Variants in ANKRD28 observed in about 807,000 individuals in gnomAD.
ANKRD28 encodes the protein ankyrin repeat domain 28.
In ANKRD28, 44 loss-of-function variants were observed where a neutral mutation model predicts 126.5. That is an observed-to-expected ratio of 0.35 (90% CI 0.27 to 0.45). The LOEUF (loss-of-function observed/expected upper bound fraction) is 0.45. ANKRD28 is among the 20% of genes least tolerant of loss of function. ANKRD28 has a pLI of 1.00. For missense variants in ANKRD28, 1,110 were observed against 1,316.6 expected, an observed-to-expected ratio of 0.84 and a Z score of 2.43; for synonymous variants, 442 against 468.5, an observed-to-expected ratio of 0.94 and a Z score of 0.73.
chr3:15,858,634 A>G (rs1230619630), intron 1 of ANKRD28, among the ~76,000 whole-genome samples: 2 of 152,252 alleles, frequency 1.3e-5, no homozygotes, highest in African/African-American at 4.8e-5. Context: ...AATGTCACAC[A>G]TTAATTTTCC....
At position 15,796,500 on chromosome 3, in the gene ANKRD28, C is replaced by A. The variant is rs1444891692; in HGVS notation, c.22G>T (p.Val8Phe). The change falls in exon 1 of 28, where the codon GTT (valine) becomes TTT (phenylalanine). Residue 8 changes from valine to phenylalanine, a missense_variant. Transcript: ENST00000683139. ...GATTCATCTTCTACCTCCTCCAAAA[C>A]AACAATACACACTCGACTCATTCGA... MSRVCIV[V>F]LEEVEDESPA... 1 of 1,288,264 alleles carries A rather than the reference C, an allele frequency of 7.8e-7. No individual in the cohort carries two copies. Among genetic ancestry groups the A allele is most frequent in the Admixed American group, 2.3e-5 (1 of 43,332 alleles). The allele number at this position is 1,288,264 out of a possible 1,614,324, so 79.8% of individuals were successfully genotyped here.
chr3:15,676,728 A>G (rs976531641), intron 26 of ANKRD28: 7 of 334,542 alleles, frequency 2.1e-5, no homozygotes, highest in Admixed American at 1.8e-4. Context: ...AAAATTAGGT[A>G]GGTGGATTAA....
At chr3:15,840,372 C>G (rs1198996086) in intron 1 of ANKRD28, among the ~76,000 whole-genome samples, 1 of 151,838 alleles carries the variant, frequency 6.6e-6, no homozygotes, top group African/African-American at 2.4e-5. Flanking sequence ...AACACTGATG[C>G]AAAAAAATTG....
At chr3:15,802,486 A>T (rs115310642), upstream of ANKRD28, among the ~76,000 whole-genome samples, 941 of 152,310 alleles carry the variant, frequency 6.2e-3, 14 homozygotes, top group African/African-American at 0.021. Flanking sequence ...TCTTCCTTTA[A>T]TTATCTATGA....
At position 15,730,181 on chromosome 3, in the gene ANKRD28, C is replaced by T. The variant is rs531034347; in HGVS notation, c.640+5229G>A. On this transcript the variant is annotated intron_variant, in intron 6 of 27. Coordinates refer to ENST00000683139, the MANE Select transcript of ANKRD28 (RefSeq NM_001349278.2). ...CATGGTAAAAAATATTTATTCAGTACCTTCTGTGTCAAAGTCATCACAATA... is the reference window on the plus strand; with the variant it reads ...CATGGTAAAAAATATTTATTCAGTATCTTCTGTGTCAAAGTCATCACAATA... Among the ~76,000 whole-genome samples the T allele has an allele frequency of 2.8e-4, 42 of 152,204 alleles. No individual in the cohort carries two copies. The South Asian group carries it at 8.1e-3, about 29-fold the overall frequency.
intron 12 of ANKRD28, among the ~76,000 whole-genome samples, 156 bp downstream of exon 12, chr3:15,711,055 A>G (rs1333838423): frequency 1.3e-5 from 2 of 152,152 alleles, no homozygotes; most frequent in East Asian, 3.8e-4. Flanking sequence ...GATGAAAAAA[A>G]GTATTCTGCC....
chr3:15,832,091 TAA>T (rs2061214562), intron 1 of ANKRD28, among the ~76,000 whole-genome samples: 2 of 152,224 alleles, frequency 1.3e-5, no homozygotes, highest in Non-Finnish European at 2.9e-5. Flanking sequence ...CAGCAGTAAA[TAA>T]AAGACATCGT....
intron 21 of ANKRD28, among the ~76,000 whole-genome samples, chr3:15,683,193 A>AT (rs1265397470): frequency 1.3e-5 from 2 of 152,082 alleles, no homozygotes; most frequent in African/African-American, 4.8e-5. Flanking sequence ...TCAGGGATAT[A>AT]TTTTTTTAAA....
intron 2 of ANKRD28, among the ~76,000 whole-genome samples, chr3:15,776,146 A>G (rs887430337): frequency 6.6e-6 from 1 of 152,256 alleles, no homozygotes; most frequent in South Asian, 2.1e-4. Context: ...ATCGTACACT[A>G]CATACTTCAA....
Position 15,850,198 on chromosome 3 carries a change from A to ATATATATATAT in ANKRD28, c.27+9178_27+9179insATATATATATA, listed in dbSNP as rs1553649981. Reference sequence around the variant, plus strand: ...TGGGTATCTACATGCAATAAAAAAAAAAAAAAATATATATATATATATATA... The same window carrying ATATATATATAT: ...TGGGTATCTACATGCAATAAAAAAAATATATATATATAAAAAAATATATATATATATATATA... On this transcript the variant is annotated intron_variant, in intron 1 of 27. Coordinates refer to the ANKRD28 transcript ENST00000399451. Among the ~76,000 whole-genome samples the ATATATATATAT allele has an allele frequency of 1.2e-4, 5 of 42,130 alleles. No individual in the cohort carries two copies. In the East Asian group the frequency reaches 7.9e-3, roughly 67 times the overall value. 27.6% of individuals were successfully genotyped at this position (42,130 alleles called of 152,430 possible).
chr3:15,715,432 CTCA>C (rs751316284), intron 8 of ANKRD28, among the ~76,000 whole-genome samples: 5 of 152,130 alleles, frequency 3.3e-5, no homozygotes, highest in Admixed American at 1.3e-4. Context: ...TTTAAAAATC[CTCA>C]TGTCTTTATA....
chr3:15,692,051 T>C (rs1368355253), intron 17 of ANKRD28, among the ~76,000 whole-genome samples: 2 of 150,014 alleles, frequency 1.3e-5, no homozygotes, highest in Non-Finnish European at 3.0e-5. Flanking sequence ...GAGGCGGAAG[T>C]ATCACTTGAG....
chr3:15,730,502 C>G (rs2074502627), intron 6 of ANKRD28, among the ~76,000 whole-genome samples: 1 of 152,214 alleles, frequency 6.6e-6, no homozygotes, highest in African/African-American at 2.4e-5. Flanking sequence ...CAAGACTACA[C>G]ATAATCCCCA....
At chr3:15,787,603 G>A (rs2059837306) in intron 2 of ANKRD28, among the ~76,000 whole-genome samples, 1 of 152,144 alleles carries the variant, frequency 6.6e-6, no homozygotes, top group African/African-American at 2.4e-5. Flanking sequence ...ATAGCTATAA[G>A]AAAAGACCAT....
intron 25 of ANKRD28, 78 bp from the exon 26 acceptor site, chr3:15,677,134 T>C: frequency 2.6e-6 from 3 of 1,141,618 alleles, no homozygotes. Flanking sequence ...TCTGCAATCC[T>C]AGTCCATATA....
At chr3:15,758,286 G>A (rs1035819674) in intron 3 of ANKRD28, among the ~76,000 whole-genome samples, 5 of 152,188 alleles carry the variant, frequency 3.3e-5, no homozygotes, top group African/African-American at 1.2e-4. Context: ...ACCTAACAGT[G>A]CAGTGGCAAA....
intron 14 of ANKRD28, among the ~76,000 whole-genome samples, chr3:15,701,605 T>C (rs995150229): frequency 6.6e-5 from 10 of 151,336 alleles, no homozygotes; most frequent in African/African-American, 1.2e-4. Flanking sequence ...GATTGCACCA[T>C]TGCACTCCAG....
intron 6 of ANKRD28, among the ~76,000 whole-genome samples, chr3:15,724,736 T>C (rs112449601): frequency 4.6e-5 from 7 of 152,230 alleles, no homozygotes; most frequent in African/African-American, 1.7e-4. Context: ...CTCAGCACTT[T>C]GGGAGGCTGA....
intron 4 of ANKRD28, among the ~76,000 whole-genome samples, chr3:15,745,177 T>G (rs1298865562): frequency 6.6e-6 from 1 of 152,252 alleles, no homozygotes; most frequent in African/African-American, 2.4e-5. Flanking sequence ...TCTCCTACTC[T>G]GTGAGTTGTT....
Sources: gnomAD v4.1 joint callset for allele counts (sites outside exome capture counted in the v4.1 genomes callset) on GRCh38, gnomAD v4.1.1 for gene constraint, MANE v1.5 for transcripts, NCBI Gene and HGNC (gene_info 2026-07-23, HGNC 2026-07-21) for gene names.